ANKS1B: variants seen among roughly 807,000 people sequenced by gnomAD.
The protein encoded by ANKS1B is ankyrin repeat and sterile alpha motif domain containing 1B.
A neutral mutation model predicts 148.3 loss-of-function variants in ANKS1B; 36 were observed. That is an observed-to-expected ratio of 0.24 (90% CI 0.19 to 0.32). The LOEUF (loss-of-function observed/expected upper bound fraction) is 0.32, where lower values mean the gene tolerates loss of function less well. Ranked by LOEUF, ANKS1B falls within the 10% of genes least tolerant of loss-of-function variation. ANKS1B has a pLI of 1.00. For missense variants in ANKS1B, 1,157 were observed against 1,542.6 expected, an observed-to-expected ratio of 0.75 and a Z score of 4.19; for synonymous variants, 542 against 560.8, an observed-to-expected ratio of 0.97 and a Z score of 0.47.
intron 8 of ANKS1B, among the ~76,000 whole-genome samples, chr12:99,707,234 T>A (rs2055944592): frequency 6.6e-6 from 1 of 152,090 alleles, no homozygotes; most frequent in Admixed American, 6.6e-5. Context: ...CCAGTTTGTT[T>A]GCATCATCCA....
intron 12 of ANKS1B, among the ~76,000 whole-genome samples, chr12:99,350,691 C>A (rs746808192): frequency 3.3e-5 from 5 of 152,082 alleles, no homozygotes; most frequent in Admixed American, 6.6e-5. Flanking sequence ...AAGCTTTAAA[C>A]TGTGTGAATG....
intron 9 of ANKS1B, among the ~76,000 whole-genome samples, chr12:99,569,362 C>G (rs141215330): frequency 4.6e-5 from 7 of 152,292 alleles, no homozygotes; most frequent in African/African-American, 1.7e-4. Flanking sequence ...TCTGCTTATA[C>G]TAGCTGTATA....
At chr12:99,591,978 C>T (rs1182495760) in intron 9 of ANKS1B, among the ~76,000 whole-genome samples, 2 of 152,114 alleles carry the variant, frequency 1.3e-5, no homozygotes, top group Non-Finnish European at 2.9e-5. Context: ...TCTATGATAA[C>T]ATTTCAGAAA....
chr12:99,531,259 TTTG>T (rs574244382), intron 9 of ANKS1B, among the ~76,000 whole-genome samples: 113 of 152,308 alleles, frequency 7.4e-4, no homozygotes, highest in African/African-American at 2.6e-3. Flanking sequence ...GTTAGCTACT[TTTG>T]TTGTTGTTGT....
chr12:99,698,758 A>G (rs1291374986), intron 8 of ANKS1B, among the ~76,000 whole-genome samples: 1 of 152,164 alleles, frequency 6.6e-6, no homozygotes, highest in Non-Finnish European at 1.5e-5. Context: ...TTACCTGCTT[A>G]ATGCTTACTC....
intron 17 of ANKS1B, among the ~76,000 whole-genome samples, chr12:99,035,858 G>A (rs969254072): frequency 6.6e-6 from 1 of 152,144 alleles, no homozygotes; most frequent in Non-Finnish European, 1.5e-5. Context: ...TGATAAGCAC[G>A]TGGCCATGGC....
chr12:98,888,355 C>CACCTGG (rs1438776860), intron 17 of ANKS1B, among the ~76,000 whole-genome samples: 1 of 152,178 alleles, frequency 6.6e-6, no homozygotes, highest in Non-Finnish European at 1.5e-5. Context: ...CCAGCCAAGT[C>CACCTGG]ACTATTATTT....
At chr12:99,519,738 T>C (rs1313135982) in intron 9 of ANKS1B, among the ~76,000 whole-genome samples, 1 of 152,120 alleles carries the variant, frequency 6.6e-6, no homozygotes, top group Non-Finnish European at 1.5e-5. Flanking sequence ...TCTTCCCTCT[T>C]TCCTTCTGTC....
intron 12 of ANKS1B, among the ~76,000 whole-genome samples, chr12:99,397,639 T>C (rs1391340877): frequency 1.3e-5 from 2 of 152,182 alleles, no homozygotes; most frequent in Non-Finnish European, 2.9e-5. Flanking sequence ...TATGGGCTGT[T>C]ATTTAGTTAC....
At chr12:99,917,548 G>A (rs2153793033) in intron 1 of ANKS1B, among the ~76,000 whole-genome samples, 1 of 152,344 alleles carries the variant, frequency 6.6e-6, no homozygotes, top group African/African-American at 2.4e-5. Flanking sequence ...AGACATTTGT[G>A]GCAGGTTGAT....
intron 9 of ANKS1B, among the ~76,000 whole-genome samples, chr12:99,640,183 A>C (rs1454554574): frequency 6.6e-6 from 1 of 152,094 alleles, no homozygotes; most frequent in East Asian, 1.9e-4. Flanking sequence ...AAATAAATAA[A>C]TAACTTAATT....
At chr12:98,992,752 A>G (rs1598155429) in intron 17 of ANKS1B, among the ~76,000 whole-genome samples, 1 of 152,000 alleles carries the variant, frequency 6.6e-6, no homozygotes, top group Admixed American at 6.6e-5. Flanking sequence ...CTTCACTCCT[A>G]CCCCAGTCCA....
chr12:99,199,976 G>A (rs1390121782), intron 14 of ANKS1B, among the ~76,000 whole-genome samples: 1 of 152,190 alleles, frequency 6.6e-6, no homozygotes, highest in African/African-American at 2.4e-5. Flanking sequence ...GGCAAAGGAA[G>A]AACAGGAGAG....
intron 15 of ANKS1B, among the ~76,000 whole-genome samples, chr12:99,087,132 T>G (rs1163472236): frequency 6.6e-6 from 1 of 152,216 alleles, no homozygotes; most frequent in Non-Finnish European, 1.5e-5. Context: ...ACTTGATGCC[T>G]TTTCCTGCCA....
intron 9 of ANKS1B, among the ~76,000 whole-genome samples, chr12:99,559,888 GA>G (rs1326659923): frequency 6.6e-6 from 1 of 151,950 alleles, no homozygotes. Context: ...AAATGCATAA[GA>G]AAAAAATTTC....
chr12:99,065,204 C>T (rs766553805), intron 16 of ANKS1B, among the ~76,000 whole-genome samples: 12 of 152,196 alleles, frequency 7.9e-5, no homozygotes, highest in Non-Finnish European at 1.6e-4. Flanking sequence ...ATATAGTACA[C>T]TGCTTTGCTC....
intron 1 of ANKS1B, among the ~76,000 whole-genome samples, chr12:99,855,110 C>A (rs1322217713): frequency 1.3e-5 from 2 of 151,950 alleles, no homozygotes; most frequent in Admixed American, 1.3e-4. Flanking sequence ...TACAGAATTG[C>A]AGAATGGATA....
chr12:99,423,121 A>T (rs1472064023), intron 11 of ANKS1B, among the ~76,000 whole-genome samples: 1 of 152,224 alleles, frequency 6.6e-6, no homozygotes, highest in Non-Finnish European at 1.5e-5. Flanking sequence ...AAAAGTCATT[A>T]GGAAAGTTGG....
At chr12:98,904,800 G>T (rs2099776747) in intron 17 of ANKS1B, among the ~76,000 whole-genome samples, 1 of 152,082 alleles carries the variant, frequency 6.6e-6, no homozygotes, top group Non-Finnish European at 1.5e-5. Flanking sequence ...AACATTTTAT[G>T]TATACCTACT....
Sources: allele counts gnomAD v4.1 joint callset (sites outside exome capture counted in the v4.1 genomes callset), GRCh38; gene constraint gnomAD v4.1.1; transcripts MANE v1.5; gene names NCBI Gene and HGNC (gene_info 2026-07-23, HGNC 2026-07-21).